The following AFMID variants were observed in gnomAD, a reference collection of about 807,000 sequenced individuals.
AFMID encodes the protein kynurenine formamidase.
Under a neutral mutation model 47.5 loss-of-function variants are expected in AFMID, and 39 were observed. That is an observed-to-expected ratio of 0.82 (90% CI 0.64 to 1.07). The LOEUF is 1.07. Among genes scored for constraint, AFMID ranks in the 50% least tolerant of loss-of-function variants. The pLI, the probability that AFMID is intolerant of heterozygous loss-of-function variation, is 0.00. For synonymous variants in AFMID, 130 were observed against 153.2 expected (o/e 0.85, Z 1.12); for missense variants, 375 against 387.5 (o/e 0.97, Z 0.27).
chr17:78,199,063 G>A lies in AFMID; in HGVS notation c.155-3436G>A, dbSNP rs188723048. ...TACGTAGATAGCTTCTCGTCAGTAC[G>A]TCAGTACGCAGGGAGCCCTGCAGGG... is the stretch of plus-strand genomic sequence containing the variant. On this transcript the variant is annotated intron_variant, in intron 2 of 10. Transcript: ENST00000409257. 1.4e-3 allele frequency among the ~76,000 whole-genome samples: 206 copies of A among 152,326 alleles called. 2 individuals carry two copies. Among genetic ancestry groups the A allele is most frequent in the African/African-American group, 4.6e-3 (192 of 41,562 alleles).
intron 2 of AFMID, among the ~76,000 whole-genome samples, chr17:78,198,394 T>A (rs747308553): frequency 3.3e-4 from 49 of 150,590 alleles, no homozygotes; most frequent in Non-Finnish European, 5.8e-4. Context: ...AGGTCAGGAG[T>A]TCGAGACCAA....
At chr17:78,196,446 AG>A (rs60304951) in intron 2 of AFMID, among the ~76,000 whole-genome samples, 2,537 of 152,108 alleles carry the variant, frequency 0.017, 68 homozygotes, top group African/African-American at 0.054. Context: ...GGGAGGCCAG[AG>A]GGGGGCAGAT....
intron 2 of AFMID, among the ~76,000 whole-genome samples, chr17:78,191,371 T>G (rs1311761999): frequency 2.0e-5 from 3 of 152,088 alleles, no homozygotes; most frequent in African/African-American, 7.2e-5. Context: ...GGAGGTGAAG[T>G]GAACAGAGGA....
chr17:78,194,758 A>C (rs7501631), intron 2 of AFMID, among the ~76,000 whole-genome samples: 1 of 151,870 alleles, frequency 6.6e-6, no homozygotes, highest in Admixed American at 6.6e-5. Context: ...GCAATGGCGC[A>C]ATCTCGGCTC....
At chr17:78,196,534 C>G (rs2076118573) in intron 2 of AFMID, among the ~76,000 whole-genome samples, 1 of 152,060 alleles carries the variant, frequency 6.6e-6, no homozygotes, top group Non-Finnish European at 1.5e-5. Flanking sequence ...CAAAAATGAG[C>G]CAGGCATAGT....
At chr17:78,192,617 C>T (rs747573927) in intron 2 of AFMID, 6 of 470,840 alleles carry the variant, frequency 1.3e-5, no homozygotes, top group East Asian at 6.9e-5. Flanking sequence ...CCTGGACTTT[C>T]ACCTTTTCTT....
chr17:78,191,870 A>T (rs925689867), intron 2 of AFMID, among the ~76,000 whole-genome samples: 1 of 150,862 alleles, frequency 6.6e-6, no homozygotes, highest in East Asian at 2.0e-4. Context: ...TTGTATTTTT[A>T]GTAGAGATGG....
chr17:78,196,355 A>G (rs925081605), intron 2 of AFMID, among the ~76,000 whole-genome samples: 1 of 151,322 alleles, frequency 6.6e-6, no homozygotes, highest in South Asian at 2.1e-4. Flanking sequence ...ACAAAGCGAG[A>G]CCTTGTCTCA....
At chr17:78,203,159 C>T (rs1387019042) in intron 4 of AFMID, 1 of 163,458 alleles carries the variant, frequency 6.1e-6, no homozygotes, top group African/African-American at 2.5e-5. Context: ...CTCCCGGGCT[C>T]AAGCAATTCT....
chr17:78,199,402 GT>G, intron 2 of AFMID, among the ~76,000 whole-genome samples: 1 of 147,094 alleles, frequency 6.8e-6, no homozygotes, highest in East Asian at 2.2e-4. Context: ...TTTTGAGACA[GT>G]CTTGCTCTAT....
rs199885547 is a variant in AFMID, at chr17:78,195,519, TG to T, written c.154+4463del. On this transcript the variant is annotated intron_variant, in intron 2 of 10. Coordinates refer to ENST00000409257, the MANE Select transcript of AFMID (RefSeq NM_001010982.5). ...CCTGCAGTCCTGTTTTTTTTTTTTTTGGGGCGGAGTTTCACTCTTGTTACCC... is the reference window on the plus strand; with the variant it reads ...CCTGCAGTCCTGTTTTTTTTTTTTTTGGGCGGAGTTTCACTCTTGTTACCC... Among the ~76,000 whole-genome samples the T allele has an allele frequency of 9.0e-3, 1,311 of 145,330 alleles. 35 individuals carry two copies. Among genetic ancestry groups the T allele is most frequent in the African/African-American group, 0.03 (1,187 of 38,992 alleles).
chr17:78,189,837 T>G (rs1324575553), intron 1 of AFMID, among the ~76,000 whole-genome samples: 1 of 148,964 alleles, frequency 6.7e-6, no homozygotes, highest in Non-Finnish European at 1.5e-5. Flanking sequence ...TTGGTTTTTT[T>G]TTTTTTTTTT....
chr17:78,193,550 GAAA>G (rs541224206), intron 2 of AFMID, among the ~76,000 whole-genome samples: 1 of 137,884 alleles, frequency 7.3e-6, no homozygotes, highest in Admixed American at 7.4e-5. Flanking sequence ...GATTAAAAAG[GAAA>G]AAAAAAAAAG....
intron 2 of AFMID, among the ~76,000 whole-genome samples, chr17:78,200,937 G>A (rs930693556): frequency 3.3e-5 from 5 of 152,014 alleles, no homozygotes; most frequent in Admixed American, 6.6e-5. Context: ...GCGTTGCTGC[G>A]GTGGGAGGGG....
chr17:78,195,598 G>C (rs1026849794), intron 2 of AFMID, among the ~76,000 whole-genome samples: 1 of 151,894 alleles, frequency 6.6e-6, no homozygotes, highest in Non-Finnish European at 1.5e-5. Context: ...TGCCTCCTGG[G>C]TTCAAGCAGT....
chr17:78,188,889 G>A (rs138688334), intron 1 of AFMID, among the ~76,000 whole-genome samples: 2,280 of 152,210 alleles, frequency 0.015, 57 homozygotes, highest in African/African-American at 0.051. Context: ...GAGCCACTGC[G>A]CCTGGCCAAT....
In AFMID at chr17:78,201,348, C is replaced by T. The variant is rs1207691581; in HGVS notation, c.155-1151C>T. Among the ~76,000 whole-genome samples, 4 of 150,970 alleles carry T rather than the reference C, an allele frequency of 2.6e-5. No homozygotes were observed. The East Asian group carries it at 6.0e-4, about 23-fold the overall frequency. On this transcript the variant is annotated intron_variant, in intron 2 of 10. Coordinates refer to ENST00000409257, the MANE Select transcript of AFMID (RefSeq NM_001010982.5). ...AAAAAATAAAGCAAGAGGCCAGGCA[C>T]AGTGGCTCATGCCTGTAATCCCAGC...
At chr17:78,190,877 A>C (rs931479974) in intron 1 of AFMID, 93 bp from the exon 2 acceptor site, 1 of 1,129,628 alleles carries the variant, frequency 8.9e-7, no homozygotes, top group Non-Finnish European at 1.3e-6. Context: ...AGGGCTTCTA[A>C]GGCAGAGAGG....
At chr17:78,191,687 A>C (rs2075972823) in intron 2 of AFMID, among the ~76,000 whole-genome samples, 2 of 150,378 alleles carry the variant, frequency 1.3e-5, no homozygotes, top group South Asian at 4.2e-4. Context: ...AAAAAAAAGC[A>C]ATGAAGCCTC....
Sources: gnomAD v4.1 joint callset for allele counts (sites outside exome capture counted in the v4.1 genomes callset) on GRCh38, gnomAD v4.1.1 for gene constraint, MANE v1.5 for transcripts, NCBI Gene and HGNC (gene_info 2026-07-23, HGNC 2026-07-21) for gene names.